ALOX15B: variants seen among roughly 807,000 people sequenced by gnomAD.
The protein encoded by ALOX15B is polyunsaturated fatty acid lipoxygenase ALOX15B.
Under a neutral mutation model 73.8 loss-of-function variants are expected in ALOX15B, and 74 were observed. The ratio of observed to expected loss-of-function variants is 1.00; its 90% confidence interval spans 0.83 to 1.22. The LOEUF is 1.22. Among genes scored for constraint, ALOX15B ranks in the 50% most tolerant of loss-of-function variants. The pLI is 0.00. For missense variants in ALOX15B, 896 were observed against 859.9 expected (o/e 1.04, Z -0.52); for synonymous variants, 353 against 357.2 (o/e 0.99, Z 0.13).
chr17:8,045,798 C>A, intron 8 of ALOX15B, 112 bp downstream of exon 8: 1 of 1,209,034 alleles, frequency 8.3e-7, no homozygotes, highest in Non-Finnish European at 1.2e-6. Context: ...AGCCCCCGTC[C>A]GCTTCAGCAG....
In ALOX15B at chr17:8,039,178, T is replaced by A; in HGVS notation, c.23T>A (p.Val8Glu). Reference sequence around the variant, plus strand: ...AGCATGGCCGAGTTCAGGGTCAGGGTGTCCACCGGAGAAGCCTTCGGGGCT... The same window carrying A: ...AGCATGGCCGAGTTCAGGGTCAGGGAGTCCACCGGAGAAGCCTTCGGGGCT... Reference protein sequence around the residue: MAEFRVRVSTGEAFGAGT... With the variant: MAEFRVRESTGEAFGAGT... The change falls in exon 1 of 14, where the codon GTG becomes GAG. Residue 8 changes from valine (V) to glutamate (E), a missense_variant. Transcript: ENST00000380183. 1 of 1,613,196 alleles carries A rather than the reference T, an allele frequency of 6.2e-7. No individual in the cohort carries two copies. Among genetic ancestry groups the A allele is most frequent in the East Asian group, 2.2e-5 (1 of 44,876 alleles).
At chr17:8,040,645 AAGAAAGAAAAGAAAGAG>A (rs1162381890) in intron 3 of ALOX15B, among the ~76,000 whole-genome samples, 14 of 122,920 alleles carry the variant, frequency 1.1e-4, no homozygotes, top group East Asian at 9.8e-4. Flanking sequence ...GAAAGAAAGA[AAGAAAGAAAAGAAAGAG>A]AAAGAAACTG....
At chr17:8,048,365 A>C (rs1976668457) in intron 13 of ALOX15B, 21 bp from the exon 14 acceptor site, 1 of 1,600,870 alleles carries the variant, frequency 6.2e-7, no homozygotes. Flanking sequence ...CGCCTCACCC[A>C]ACCTTGTGGT....
rs187841442 is a variant in ALOX15B, at chr17:8,045,929, C to T, written c.1200+243C>T. On this transcript the variant is annotated intron_variant, in intron 8 of 13. Coordinates refer to ENST00000380183, the MANE Select transcript of ALOX15B (RefSeq NM_001141.3). The stretch of plus-strand genomic sequence containing the variant: ...GCAGCATCAACAGCCGTCATAGAAG[C>T]CCAAATCTTAGGAAGGGGAAGGACC... 1.4e-3 allele frequency among the ~76,000 whole-genome samples: 208 copies of T among 151,898 alleles called. 1 individual carries two copies. The highest frequency in any genetic ancestry group is 4.8e-3 in the African/African-American group (197 of 41,398).
At chr17:8,047,116 A>G in intron 10 of ALOX15B, 40 bp downstream of exon 10, 1 of 1,611,640 alleles carries the variant, frequency 6.2e-7, no homozygotes, top group Non-Finnish European at 8.5e-7. Context: ...CTGGTCGGGG[A>G]CGTGGGAAGA....
rs369739171 is a variant in ALOX15B, at chr17:8,048,495, G to A, written c.1961G>A (p.Arg654Gln). The A allele has an allele frequency of 5.3e-5, 85 of 1,613,990 alleles. No individual in the cohort carries two copies. The highest frequency in any genetic ancestry group is 1.5e-4 in the Admixed American group (9 of 60,000). Residue 654 changes from arginine to glutamine, a missense_variant, in exon 14 of 14, where the codon CGG (arginine) becomes CAG (glutamine). Physicochemically the swap from Arg to Gln is conservative, Grantham distance 43. Transcript: ENST00000380183. ...LAQISRGIQE[R>Q]NQGLVLPYTY... is the part of the protein sequence containing the mutation. ...CAGATCTCGAGGGGCATCCAGGAGC[G>A]GAACCAGGGCCTGGTGCTGCCCTAC...
intron 3 of ALOX15B, among the ~76,000 whole-genome samples, chr17:8,041,331 G>A (rs989271735): frequency 9.2e-5 from 14 of 152,240 alleles, no homozygotes; most frequent in Admixed American, 6.5e-5. Flanking sequence ...GGTTAAGAAT[G>A]TAGGTGGTCA....
intron 6 of ALOX15B, 85 bp from the exon 7 acceptor site, chr17:8,045,153 C>A: frequency 6.2e-7 from 1 of 1,602,746 alleles, no homozygotes. Context: ...ACTCCTCTCC[C>A]AGCCCTGAAT....
intron 4 of ALOX15B, 118 bp from the exon 5 acceptor site, chr17:8,042,663 T>C: frequency 2.3e-6 from 3 of 1,318,176 alleles, no homozygotes; most frequent in South Asian, 1.4e-5. Flanking sequence ...ACCTTAGGGG[T>C]AGTGACTACC....
At position 8,039,624 on chromosome 17, in the gene ALOX15B, T is replaced by A; in HGVS notation, c.367+19T>A. 1 of 354,856 alleles carries A rather than the reference T, an allele frequency of 2.8e-6. No homozygotes were observed. Among genetic ancestry groups the A allele is most frequent in the Non-Finnish European group, 4.6e-6 (1 of 217,156 alleles). The allele number at this position is 354,856 out of a possible 1,614,324, so 22.0% of individuals were successfully genotyped here. On this transcript the variant is annotated intron_variant, in intron 2 of 13. Coordinates refer to ENST00000380183, the MANE Select transcript of ALOX15B (RefSeq NM_001141.3). ...GGTACAGGTGAGGGGCGGGCCGGGC[T>A]GGGGCTGCAGGGGGAGCACAGGAAG...
Position 8,047,670 on chromosome 17 carries a change from G to A in ALOX15B, c.1680+6G>A. On this transcript the variant is annotated splice_donor_region_variant and intron_variant, in intron 12 of 13. Coordinates refer to ENST00000380183, the MANE Select transcript of ALOX15B (RefSeq NM_001141.3). The stretch of plus-strand genomic sequence containing the variant: ...CGGCTGTCAGTGCAGGGCAGGTGAG[G>A]AAAGGCCAGCGCCCGAGGTGGCAGG... 8 of 1,612,882 alleles carry A rather than the reference G, an allele frequency of 5.0e-6. No homozygotes were observed. The highest frequency in any genetic ancestry group is 6.8e-6 in the Non-Finnish European group (8 of 1,179,400).
Position 8,048,415 on chromosome 17 carries a change from C to T in ALOX15B, c.1881C>T (p.His627=). 6.2e-7 allele frequency: 1 copy of T among 1,613,920 alleles called. No homozygotes were observed. Among genetic ancestry groups the T allele is most frequent in the Non-Finnish European group, 8.5e-7 (1 of 1,179,930 alleles). Residue 627 remains histidine (H), a synonymous_variant, in exon 14 of 14, where the codon CAC becomes CAT. Transcript: ENST00000380183. The stretch of plus-strand genomic sequence containing the variant: ...CCCTGGGCACCTATCCGGATGAGCA[C>T]TTCACAGAGGAGGCCCCTCGGCGGA... ...QRPLGTYPDE[H]FTEEAPRRSI... is the part of the protein sequence containing the mutation.
intron 9 of ALOX15B, 65 bp from the exon 10 acceptor site, chr17:8,046,842 C>G (rs553313371): frequency 1.9e-6 from 3 of 1,610,976 alleles, no homozygotes; most frequent in Non-Finnish European, 2.5e-6. Flanking sequence ...CCCATCTCCC[C>G]GACACCAGTG....
intron 3 of ALOX15B, among the ~76,000 whole-genome samples, chr17:8,040,599 GAGAGAA>G (rs1567969517): frequency 2.9e-4 from 33 of 113,900 alleles, no homozygotes; most frequent in African/African-American, 1.1e-3. Context: ...GAAAGAAAGA[GAGAGAA>G]AGAAAGAAAG....
At chr17:8,040,621 A>AAGAAAGAAAGAC (rs1276734516) in intron 3 of ALOX15B, among the ~76,000 whole-genome samples, 1 of 127,238 alleles carries the variant, frequency 7.9e-6, no homozygotes, top group Non-Finnish European at 1.8e-5. Context: ...GAAAGAAAGA[A>AAGAAAGAAAGAC]AGAAAGAAAG....
chr17:8,042,755 T>C (rs1348272749), intron 4 of ALOX15B, 26 bp from the exon 5 acceptor site: 4 of 1,456,212 alleles, frequency 2.7e-6, no homozygotes, highest in Non-Finnish European at 3.8e-6. Context: ...TCCTCCCCAC[T>C]CCCCACCCCT....
At chr17:8,040,907 C>A (rs117778062) in intron 3 of ALOX15B, among the ~76,000 whole-genome samples, 43,881 of 151,934 alleles carry the variant, frequency 0.29, 7,342 homozygotes, top group Admixed American at 0.41. Flanking sequence ...GAGTTGGGGC[C>A]GCTAGTGAGG....
In ALOX15B at chr17:8,047,026, A is replaced by T; in HGVS notation, c.1407A>T (p.Pro469=). 1 of 1,614,086 alleles carries T rather than the reference A, an allele frequency of 6.2e-7. No individual in the cohort carries two copies. The highest frequency in any genetic ancestry group is 8.5e-7 in the Non-Finnish European group (1 of 1,180,012). ...GGACCCGAGGAGTTGAAGACATCCCAGGCTACTACTACCGTGATGATGGGA... is the reference window on the plus strand; with the variant it reads ...GGACCCGAGGAGTTGAAGACATCCCTGGCTACTACTACCGTGATGATGGGA... The part of the protein sequence containing the change: ...DIRTRGVEDI[P]GYYYRDDGMQ... The change falls in exon 10 of 14, where the codon CCA becomes CCT. Residue 469 remains proline (P), a synonymous_variant. Transcript: ENST00000380183.
At chr17:8,041,440 G>C (rs530110434) in intron 3 of ALOX15B, among the ~76,000 whole-genome samples, 1 of 152,300 alleles carries the variant, frequency 6.6e-6, no homozygotes, top group African/African-American at 2.4e-5. Flanking sequence ...GTACAGTGAG[G>C]TCTCAGATCC....
Sources: gnomAD v4.1 joint callset for allele counts (sites outside exome capture counted in the v4.1 genomes callset) on GRCh38, gnomAD v4.1.1 for gene constraint, MANE v1.5 for transcripts, NCBI Gene and HGNC (gene_info 2026-07-23, HGNC 2026-07-21) for gene names.